PPP4R3A: variants seen among roughly 807,000 people sequenced by gnomAD.
PPP4R3A encodes serine/threonine-protein phosphatase 4 regulatory subunit 3A.
PPP4R3A carries 15 observed loss-of-function variants against 91.7 expected under a neutral mutation model. That is an observed-to-expected ratio of 0.16 (90% confidence interval 0.11 to 0.25). The LOEUF (loss-of-function observed/expected upper bound fraction) is 0.25. PPP4R3A is among the 10% of genes least tolerant of loss of function. The pLI is 1.00. For synonymous variants in PPP4R3A, 377 were observed against 348.7 expected (o/e 1.08, Z -0.91); for missense variants, 623 against 998.4 (o/e 0.62, Z 5.07).
Position 91,481,934 on chromosome 14 carries a change from A to G in PPP4R3A, c.557T>C (p.Ile186Thr), listed in dbSNP as rs781746912. 3.1e-6 allele frequency: 5 copies of G among 1,613,842 alleles called. No homozygotes were observed. Among genetic ancestry groups the G allele is most frequent in the East Asian group, 2.2e-5 (1 of 44,894 alleles). ...LFHVCEDLEN[I>T]EGLHHLYEII... Reference sequence around the variant, plus strand: ...TTCATACAAGTGGTGCAGTCCTTCAATATTTTCCAAATCTTCACACACATG... The same window carrying G: ...TTCATACAAGTGGTGCAGTCCTTCAGTATTTTCCAAATCTTCACACACATG... Residue 186 changes from isoleucine (I) to threonine (T), a missense_variant, in exon 4 of 15, where the codon ATT becomes ACT. This residue lies in a region of PPP4R3A where 264 missense variants were observed against 377.3 expected (regional missense o/e 0.70). Transcript: ENST00000554943.
chr14:91,493,749 A>T (rs994481878), intron 1 of PPP4R3A, among the ~76,000 whole-genome samples: 12 of 149,186 alleles, frequency 8.0e-5, no homozygotes, highest in African/African-American at 5.1e-5. Context: ...TAAAGTATAT[A>T]AAGTACATTA....
At chr14:91,484,881 G>A (rs1889789748) in intron 3 of PPP4R3A, among the ~76,000 whole-genome samples, 1 of 152,192 alleles carries the variant, frequency 6.6e-6, no homozygotes, top group African/African-American at 2.4e-5. Flanking sequence ...TTAGCTACTA[G>A]AGCACATACA....
intron 2 of PPP4R3A, among the ~76,000 whole-genome samples, chr14:91,487,249 CAAAAAAAA>C (rs35970764): frequency 1.2e-5 from 1 of 80,242 alleles, no homozygotes; most frequent in Admixed American, 1.6e-4. Flanking sequence ...GAGTCCGTCT[CAAAAAAAA>C]AAAAAAAAAA....
intron 3 of PPP4R3A, among the ~76,000 whole-genome samples, chr14:91,485,351 T>A (rs1490070339): frequency 6.6e-6 from 1 of 152,192 alleles, no homozygotes; most frequent in African/African-American, 2.4e-5. Flanking sequence ...TGTGAGAAGA[T>A]TATGTTTGGT....
At chr14:91,490,100 T>C (rs948649972) in intron 2 of PPP4R3A, among the ~76,000 whole-genome samples, 9 of 152,264 alleles carry the variant, frequency 5.9e-5, no homozygotes, top group Admixed American at 3.3e-4. Flanking sequence ...ATTGGCTATA[T>C]AGAGCACTCA....
Position 91,472,270 on chromosome 14 carries a change from C to T in PPP4R3A, c.1501+763G>A, listed in dbSNP as rs186962231. ...TAAATAAAAGTAGCTTAATATTGTG[C>T]AAAAATCCTAGCTCTGTCTATACAT... On this transcript the variant is annotated intron_variant, in intron 9 of 14. Transcript: ENST00000554943. Among the ~76,000 whole-genome samples the T allele has an allele frequency of 1.4e-4, 22 of 151,974 alleles. No homozygotes were observed. In the East Asian group the frequency reaches 4.2e-3, roughly 29 times the overall value.
intron 11 of PPP4R3A, among the ~76,000 whole-genome samples, chr14:91,463,998 A>C (rs1054592188): frequency 6.6e-6 from 1 of 152,112 alleles, no homozygotes; most frequent in African/African-American, 2.4e-5. Flanking sequence ...CACTTACAAG[A>C]GAGAACACAC....
rs754563557 is a variant in PPP4R3A, at chr14:91,509,662, AC to A, written c.-16del. The A allele has an allele frequency of 1.9e-6, 3 of 1,586,934 alleles. No individual in the cohort carries two copies. Among genetic ancestry groups the A allele is most frequent in the Non-Finnish European group, 2.6e-6 (3 of 1,173,520 alleles). On this transcript the variant is annotated 5_prime_UTR_variant, in exon 1 of 15. Coordinates refer to ENST00000554943, the MANE Select transcript of PPP4R3A (RefSeq NM_001366432.2). Reference sequence around the variant, plus strand: ...GTGTCGGTCATCGTGCCGCCCGGGAACCGGGGCGGGGGCCCCGCCAGTAGAC... The same window carrying A: ...GTGTCGGTCATCGTGCCGCCCGGGAACGGGGCGGGGGCCCCGCCAGTAGAC...
chr14:91,466,382 G>A, intron 10 of PPP4R3A: 2 of 985,802 alleles, frequency 2.0e-6, no homozygotes, highest in Non-Finnish European at 2.4e-6. Flanking sequence ...AGTCCTTCAT[G>A]AGCAGGTAGC....
intron 1 of PPP4R3A, among the ~76,000 whole-genome samples, chr14:91,501,708 CTTTT>C (rs11382091): frequency 7.2e-6 from 1 of 138,004 alleles, no homozygotes; most frequent in African/African-American, 2.7e-5. Flanking sequence ...CTAAAGTGTG[CTTTT>C]TTTTTTTTTT....
At chr14:91,468,540 G>A (rs748522215) in intron 10 of PPP4R3A, among the ~76,000 whole-genome samples, 1 of 151,552 alleles carries the variant, frequency 6.6e-6, no homozygotes, top group Non-Finnish European at 1.5e-5. Context: ...GTAGTGGTGC[G>A]CTCCTGTAAT....
chr14:91,473,957 C>T (rs940848985), intron 7 of PPP4R3A, among the ~76,000 whole-genome samples: 1 of 152,058 alleles, frequency 6.6e-6, no homozygotes, highest in African/African-American at 2.4e-5. Flanking sequence ...TTAGTAGAGA[C>T]GGGGTTTCTC....
intron 1 of PPP4R3A, among the ~76,000 whole-genome samples, chr14:91,504,271 T>G (rs1391429660): frequency 3.4e-5 from 5 of 149,154 alleles, no homozygotes; most frequent in African/African-American, 1.2e-4. Flanking sequence ...GAGGTTACAG[T>G]GAGCTATGAT....
rs189935065 is a variant in PPP4R3A at position 91,493,548 on chromosome 14, C to T, written c.143-2746G>A. Among the ~76,000 whole-genome samples the T allele has an allele frequency of 3.5e-4, 53 of 150,156 alleles. 1 individual carries two copies. The highest frequency in any genetic ancestry group is 5.6e-4 in the Non-Finnish European group (38 of 67,974). On this transcript the variant is annotated intron_variant, in intron 1 of 14. Transcript: ENST00000554943. Reference sequence around the variant, plus strand: ...GTGGCTCATGCCTGTAATCCCAGCACTTTGGGAGGTCGAGATGGGAGGATT... The same window carrying T: ...GTGGCTCATGCCTGTAATCCCAGCATTTTGGGAGGTCGAGATGGGAGGATT...
intron 10 of PPP4R3A, among the ~76,000 whole-genome samples, chr14:91,466,897 T>C (rs559809563): frequency 1.3e-5 from 2 of 151,502 alleles, no homozygotes; most frequent in Non-Finnish European, 2.9e-5. Context: ...TAAGAATTTG[T>C]ACTCCAACTT....
At chr14:91,473,974 C>T (rs527807893) in intron 7 of PPP4R3A, among the ~76,000 whole-genome samples, 2 of 152,110 alleles carry the variant, frequency 1.3e-5, no homozygotes, top group African/African-American at 2.4e-5. Flanking sequence ...TCTCCATGAT[C>T]GTCAGGCTAG....
At chr14:91,500,685 TAC>T (rs1890893151) in intron 1 of PPP4R3A, among the ~76,000 whole-genome samples, 1 of 152,198 alleles carries the variant, frequency 6.6e-6, no homozygotes, top group African/African-American at 2.4e-5. Context: ...AACATTCCAG[TAC>T]ACATTTAGTC....
rs985158906 is a variant in PPP4R3A at position 91,458,352 on chromosome 14, G to C, written c.*407C>G. The C allele has an allele frequency of 2.5e-5, 6 of 239,576 alleles. No individual in the cohort carries two copies. The highest frequency in any genetic ancestry group is 1.1e-4 in the East Asian group (1 of 9,456). The allele number at this position is 239,576 out of a possible 1,614,324, so 14.8% of individuals were successfully genotyped here. A position where few individuals can be genotyped will look rare whatever the true frequency, so the allele number is the denominator to read the frequency against. ...GGTCTCTTTATACAAAGAAACTGCT[G>C]GCATTCTTGACTAGTGAAGAATTAT... On this transcript the variant is annotated 3_prime_UTR_variant, in exon 15 of 15. Transcript: ENST00000554943.
intron 1 of PPP4R3A, among the ~76,000 whole-genome samples, chr14:91,500,224 A>G (rs1890854304): frequency 4.8e-3 from 1 of 210 alleles, no homozygotes; most frequent in Non-Finnish European, 0.013. Context: ...CTTTTTTTTG[A>G]GACGGATTTC....
Sources: allele counts gnomAD v4.1 joint callset (sites outside exome capture counted in the v4.1 genomes callset), GRCh38; gene constraint gnomAD v4.1.1; regional missense constraint gnomAD v4.1.1; transcripts MANE v1.5; gene names NCBI Gene and HGNC (gene_info 2026-07-23, HGNC 2026-07-21).